TP73: variants seen among roughly 807,000 people sequenced by gnomAD.
TP73 encodes the protein tumor protein p73, also known as p53-like transcription factor.
TP73 carries 25 observed loss-of-function variants against 62.5 expected under a neutral mutation model. That is an observed-to-expected ratio of 0.40 (90% CI 0.29 to 0.56). TP73 has a LOEUF of 0.56. Among genes scored for constraint, TP73 ranks in the 20% least tolerant of loss-of-function variants. TP73 has a pLI of 0.46. For missense variants in TP73, 754 were observed against 913.3 expected (o/e 0.83, Z 2.25); for synonymous variants, 423 against 377.5 (o/e 1.12, Z -1.40).
rs998679605 is a variant in TP73, at chr1:3,735,199, C to G, written c.*2120C>G. The G allele has an allele frequency of 2.0e-5, 3 of 152,430 alleles. No homozygotes were observed. The highest frequency in any genetic ancestry group is 1.3e-4 in the Admixed American group (2 of 15,294). 9.4% of individuals were successfully genotyped at this position (152,430 alleles called of 1,614,324 possible). A position where few individuals can be genotyped will look rare whatever the true frequency, so the allele number is the denominator to read the frequency against. ...ACCCGAGGCCACCTCCTGAAGCCCC[C>G]ACTCTTCCCCCATGTTCCACTTCAG... On this transcript the variant is annotated 3_prime_UTR_variant, in exon 14 of 14. Transcript: ENST00000378295.
rs768327423 is a variant in TP73, at chr1:3,731,061, G to A, written c.1480G>A (p.Val494Ile). ...CCCCTACCACGCCGACCCCAGCCTCGTCAGGTGCGTGGGCTGCCGAGGGCC... is the reference window on the plus strand; with the variant it reads ...CCCCTACCACGCCGACCCCAGCCTCATCAGGTGCGTGGGCTGCCGAGGGCC... ...PPPYHADPSL[V>I]SFLTGLGCPN... The change falls in exon 12 of 14, where the codon GTC becomes ATC. Residue 494 changes from valine (V) to isoleucine (I), a missense_variant. Physicochemically the swap from Val to Ile is conservative, Grantham distance 29. Around this residue, in one of 3 missense-constraint regions of TP73, gnomAD observed 458 missense variants for 528.7 expected, o/e 0.87. Coordinates refer to ENST00000378295, the MANE Select transcript of TP73 (RefSeq NM_005427.4). 40 of 1,610,668 alleles carry A rather than the reference G, an allele frequency of 2.5e-5. No individual in the cohort carries two copies. Among genetic ancestry groups the A allele is most frequent in the South Asian group, 1.3e-4 (12 of 90,910 alleles).
chr1:3,708,989 G>A (rs998897352), intron 4 of TP73, among the ~76,000 whole-genome samples: 1 of 152,214 alleles, frequency 6.6e-6, no homozygotes, highest in Admixed American at 6.5e-5. Flanking sequence ...AGGTTTTTCC[G>A]CTTTAAGAAT....
rs994330439 is a variant in TP73 at position 3,735,673 on chromosome 1, G to C, written c.*2594G>C. The C allele has an allele frequency of 3.3e-5, 5 of 152,238 alleles. No homozygotes were observed. Among genetic ancestry groups the C allele is most frequent in the African/African-American group, 1.2e-4 (5 of 41,448 alleles). The allele number at this position is 152,238 out of a possible 1,614,324, so 9.4% of individuals were successfully genotyped here. On this transcript the variant is annotated 3_prime_UTR_variant, in exon 14 of 14. Coordinates refer to ENST00000378295, the MANE Select transcript of TP73 (RefSeq NM_005427.4). ...CAACAAATAAATCTTGAAGGCGGATGGTTTTCCCAGCAGTGCAGGGGTTGG... is the reference window on the plus strand; with the variant it reads ...CAACAAATAAATCTTGAAGGCGGATCGTTTTCCCAGCAGTGCAGGGGTTGG...
chr1:3,728,036 C>T, intron 8 of TP73, 93 bp from the exon 9 acceptor site: 2 of 1,360,508 alleles, frequency 1.5e-6, no homozygotes, highest in African/African-American at 1.4e-5. Context: ...AATCGATTGG[C>T]CCCAAGGGTG....
At chr1:3,678,826 A>G (rs773862688) in intron 1 of TP73, among the ~76,000 whole-genome samples, 3 of 152,188 alleles carry the variant, frequency 2.0e-5, no homozygotes, top group Non-Finnish European at 4.4e-5. Flanking sequence ...GTCCTGGAAG[A>G]TGCATCTGCC....
At chr1:3,706,494 GC>G (rs1639664064) in intron 3 of TP73, among the ~76,000 whole-genome samples, 1 of 151,496 alleles carries the variant, frequency 6.6e-6, no homozygotes, top group Admixed American at 6.6e-5. Context: ...CAATCACGGT[GC>G]CCGCCGCAGG....
At position 3,728,142 on chromosome 1, in the gene TP73, C is replaced by A. The variant is rs202005425; in HGVS notation, c.999C>A (p.Ser333Arg). The change falls in exon 9 of 14, where the codon AGC becomes AGA. Residue 333 changes from serine to arginine, a missense_variant. By Grantham distance (110) the Ser-to-Arg change is moderately radical. This residue lies in a region of TP73 where 458 missense variants were observed against 528.7 expected (regional missense o/e 0.87). Transcript: ENST00000378295. ...GAASKRAFKQ[S>R]PPAVPALGAG... Reference sequence around the variant, plus strand: ...CTGGCCTTCCAGCCTTCAAGCAGAGCCCCCCTGCCGTCCCCGCCCTTGGTG... The same window carrying A: ...CTGGCCTTCCAGCCTTCAAGCAGAGACCCCCTGCCGTCCCCGCCCTTGGTG... 3.1e-6 allele frequency: 5 copies of A among 1,610,760 alleles called. No homozygotes were observed. The highest frequency in any genetic ancestry group is 4.2e-6 in the Non-Finnish European group (5 of 1,179,816).
rs573181125 is a variant in TP73 at position 3,670,591 on chromosome 1, G to A, written c.-33-11742G>A. On this transcript the variant is annotated intron_variant, in intron 1 of 13. Coordinates refer to ENST00000378295, the MANE Select transcript of TP73 (RefSeq NM_005427.4). This position sits in a 1 kb window ranked among gnomAD's most constrained non-coding sequence, Gnocchi z 5.9. ...TGAGTCAGAAGAATCATTTGAACCT[G>A]GAAGGCGGAGGTTGCAGTGAGCTGA... Among the ~76,000 whole-genome samples, 14 of 152,222 alleles carry A rather than the reference G, an allele frequency of 9.2e-5. No individual in the cohort carries two copies. The South Asian group carries it at 2.9e-3, about 32-fold the overall frequency.
intron 3 of TP73, chr1:3,690,724 C>A (rs1267691572): frequency 2.8e-6 from 4 of 1,433,478 alleles, no homozygotes; most frequent in African/African-American, 1.4e-5. Context: ...AAAATGCCAA[C>A]AAACGGCCCG....
intron 1 of TP73, among the ~76,000 whole-genome samples, chr1:3,674,413 T>C (rs1209537725): frequency 6.6e-6 from 1 of 152,198 alleles, no homozygotes; most frequent in Non-Finnish European, 1.5e-5. Context: ...CATGCTGGGC[T>C]TCCCCAAACT....
chr1:3,732,317 A>T (rs1462190395), intron 13 of TP73, among the ~76,000 whole-genome samples: 2 of 152,144 alleles, frequency 1.3e-5, no homozygotes, highest in Non-Finnish European at 2.9e-5. Context: ...CCCTCCCCGC[A>T]ACCTGTCCCC....
At chr1:3,687,909 AACCTTCGGAC>A (rs1250402943) in intron 3 of TP73, among the ~76,000 whole-genome samples, 2 of 152,240 alleles carry the variant, frequency 1.3e-5, no homozygotes, top group Admixed American at 6.5e-5. Flanking sequence ...CCGGGGTCAG[AACCTTCGGAC>A]ACTTGGGGGC....
chr1:3,681,787 G>C (rs1645527661), intron 1 of TP73, among the ~76,000 whole-genome samples: 1 of 152,124 alleles, frequency 6.6e-6, no homozygotes, highest in African/African-American at 2.4e-5. Context: ...CCACCTCCAG[G>C]TCCCGGGCAT....
At position 3,667,517 on chromosome 1, in the gene TP73, G is replaced by A. The variant is rs564215288; in HGVS notation, c.-33-14816G>A. On this transcript the variant is annotated intron_variant, in intron 1 of 13. Coordinates refer to ENST00000378295, the MANE Select transcript of TP73 (RefSeq NM_005427.4). ...TGCAATCCCAGCACTTTGGGAGGCCGAGGCGGGTGGATCATGAGGTCAGAA... is the reference window on the plus strand; with the variant it reads ...TGCAATCCCAGCACTTTGGGAGGCCAAGGCGGGTGGATCATGAGGTCAGAA... Among the ~76,000 whole-genome samples, 6 of 152,308 alleles carry A rather than the reference G, an allele frequency of 3.9e-5. No individual in the cohort carries two copies. In the South Asian group the frequency reaches 6.2e-4, roughly 16 times the overall value.
chr1:3,705,717 G>A (rs3765752), intron 3 of TP73, among the ~76,000 whole-genome samples: 48,870 of 152,118 alleles, frequency 0.32, 8,369 homozygotes, highest in Non-Finnish European at 0.38. Flanking sequence ...CCGGCATCCC[G>A]GGCTGAGCTG....
chr1:3,688,339 C>A (rs887211356), intron 3 of TP73, among the ~76,000 whole-genome samples: 1 of 152,184 alleles, frequency 6.6e-6, no homozygotes, highest in Non-Finnish European at 1.5e-5. Flanking sequence ...AGCCAGCTGC[C>A]CAGCAGGGAC....
rs2102028283 is a variant in TP73, at chr1:3,666,061, T to C, written c.-34+13420T>C. 6.8e-6 allele frequency among the ~76,000 whole-genome samples: 1 copy of C among 147,800 alleles called. No homozygotes were observed. Among genetic ancestry groups the C allele is most frequent in the South Asian group, 2.1e-4 (1 of 4,664 alleles). On this transcript the variant is annotated intron_variant, in intron 1 of 13. Transcript: ENST00000378295. The surrounding 1 kb of genome is among the most constrained non-coding windows in gnomAD (Gnocchi z 6.4). ...CGCTTTTGAAGCCAGGAGGCGGAGT[T>C]TGTGGTGAGCTGAGATCGCACCATT...
rs371125221 is a variant in TP73 at position 3,693,898 on chromosome 1, G to A, written c.186+10718G>A. Among the ~76,000 whole-genome samples, 6 of 22,680 alleles carry A rather than the reference G, an allele frequency of 2.6e-4. 2 individuals carry two copies. Among genetic ancestry groups the A allele is most frequent in the East Asian group, 8.9e-4 (1 of 1,122 alleles). 14.9% of individuals were successfully genotyped at this position (22,680 alleles called of 152,430 possible). On this transcript the variant is annotated intron_variant, in intron 3 of 13. Coordinates refer to ENST00000378295, the MANE Select transcript of TP73 (RefSeq NM_005427.4). ...CCATGCAGCCTCCGCCCCTCCTCCC[G>A]CAATCCCAGCCCTGCAGCCTCAGCC...
chr1:3,707,652 C>T lies in TP73; in HGVS notation c.290C>T (p.Ser97Leu), dbSNP rs2124394362. 2.5e-6 allele frequency: 4 copies of T among 1,613,130 alleles called. No homozygotes were observed. The highest frequency in any genetic ancestry group is 2.5e-6 in the Non-Finnish European group (3 of 1,179,950). Residue 97 changes from serine (S) to leucine (L), a missense_variant, in exon 4 of 14, where the codon TCG becomes TTG. Physicochemically the swap from Ser to Leu is moderately radical, Grantham distance 145. Around this residue, in one of 3 missense-constraint regions of TP73, gnomAD observed 235 missense variants for 251.4 expected, o/e 0.93. Transcript: ENST00000378295. ...PEHAASVPTH[S>L]PYAQPSSTFD... is the part of the protein sequence containing the mutation. Reference sequence around the variant, plus strand: ...CACGCCGCCAGCGTGCCCACCCACTCGCCCTACGCACAACCCAGCTCCACC... The same window carrying T: ...CACGCCGCCAGCGTGCCCACCCACTTGCCCTACGCACAACCCAGCTCCACC...
Sources: allele counts gnomAD v4.1 joint callset (sites outside exome capture counted in the v4.1 genomes callset), GRCh38; gene constraint gnomAD v4.1.1; regional missense constraint gnomAD v4.1.1; non-coding constraint Gnocchi (gnomAD v3.1); transcripts MANE v1.5; gene names NCBI Gene and HGNC (gene_info 2026-07-23, HGNC 2026-07-21).